MYOM2: variants seen among roughly 807,000 people sequenced by gnomAD.
MYOM2 encodes the protein myomesin-2.
A neutral mutation model predicts 187.6 loss-of-function variants in MYOM2; 254 were observed. The ratio of observed to expected loss-of-function variants is 1.35; its 90% CI spans 1.22 to 1.50. The LOEUF (loss-of-function observed/expected upper bound fraction) is 1.50. Ranked by LOEUF, MYOM2 falls within the 40% of genes most tolerant of loss-of-function variation. MYOM2 has a pLI of 0.00. For synonymous variants in MYOM2, 981 were observed against 753.8 expected (o/e 1.30, Z -4.94); for missense variants, 2,796 against 1,924.0 (o/e 1.45, Z -8.48).
At chr8:2,126,470 TCA>T (rs1201246968) in intron 31 of MYOM2, among the ~76,000 whole-genome samples, 7 of 151,928 alleles carry the variant, frequency 4.6e-5, no homozygotes, top group Non-Finnish European at 8.8e-5. Context: ...CCCTACACAC[TCA>T]CACACTCATA....
rs1797778267 is a variant in MYOM2 at position 2,129,537 on chromosome 8, C to G, written c.3800+305C>G. 3.9e-5 allele frequency among the ~76,000 whole-genome samples: 6 copies of G among 152,158 alleles called. No homozygotes were observed. The South Asian group carries it at 1.2e-3, about 31-fold the overall frequency. The stretch of plus-strand genomic sequence containing the variant: ...ATTTTCTCTGGAAGCGAACAGAGAG[C>G]TGAAGCAGAACTAATAAATAATTTG... On this transcript the variant is annotated intron_variant, in intron 32 of 36. Coordinates refer to ENST00000262113, the MANE Select transcript of MYOM2 (RefSeq NM_003970.4).
intron 31 of MYOM2, among the ~76,000 whole-genome samples, chr8:2,125,342 G>C (rs1413128280): frequency 6.6e-6 from 1 of 152,154 alleles, no homozygotes; most frequent in Non-Finnish European, 1.5e-5. Flanking sequence ...TGATTAAAGA[G>C]ACTGTCTTTC....
At chr8:2,094,823 A>G (rs755520926) in intron 17 of MYOM2, among the ~76,000 whole-genome samples, 17 of 152,198 alleles carry the variant, frequency 1.1e-4, no homozygotes, top group Non-Finnish European at 2.4e-4. Flanking sequence ...GGTGTTTAAC[A>G]GTTTTTATTA....
At chr8:2,131,085 C>T (rs1797848926) in intron 32 of MYOM2, among the ~76,000 whole-genome samples, 1 of 152,298 alleles carries the variant, frequency 6.6e-6, no homozygotes, top group East Asian at 1.9e-4. Context: ...ATGCGCTGTG[C>T]TGGGTCTGGG....
chr8:2,081,473 C>T (rs1819625604), intron 13 of MYOM2, among the ~76,000 whole-genome samples: 1 of 152,234 alleles, frequency 6.6e-6, no homozygotes, highest in Non-Finnish European at 1.5e-5. Context: ...TCTCACTCCT[C>T]ACGAGCAGAC....
chr8:2,045,327 A>C (rs1268887918), intron 1 of MYOM2, among the ~76,000 whole-genome samples, 159 bp downstream of exon 1: 1 of 152,184 alleles, frequency 6.6e-6, no homozygotes, highest in Non-Finnish European at 1.5e-5. Context: ...AAACAGAGCA[A>C]TTAGTTCTGG....
At chr8:2,045,356 G>A (rs1818277990) in intron 1 of MYOM2, among the ~76,000 whole-genome samples, 188 bp downstream of exon 1, 1 of 152,186 alleles carries the variant, frequency 6.6e-6, no homozygotes, top group South Asian at 2.1e-4. Context: ...TTTCTTTGAC[G>A]AGGTTTTATG....
intron 25 of MYOM2, among the ~76,000 whole-genome samples, chr8:2,110,573 C>G (rs1248617137): frequency 6.6e-6 from 1 of 152,108 alleles, no homozygotes; most frequent in Non-Finnish European, 1.5e-5. Context: ...GGGGCTCTCT[C>G]AGAGCCCCCA....
intron 25 of MYOM2, among the ~76,000 whole-genome samples, chr8:2,111,808 G>A (rs1366008695): frequency 6.6e-6 from 1 of 152,170 alleles, no homozygotes; most frequent in African/African-American, 2.4e-5. Context: ...ATTCATTTCT[G>A]TCACTTTCTA....
intron 25 of MYOM2, among the ~76,000 whole-genome samples, chr8:2,113,440 G>C (rs1464486639): frequency 6.6e-6 from 1 of 152,184 alleles, no homozygotes; most frequent in African/African-American, 2.4e-5. Context: ...TGAAGGCCTT[G>C]GGAGGTCTCT....
At position 2,077,086 on chromosome 8, in the gene MYOM2, C is replaced by T. The variant is rs371229042; in HGVS notation, c.1262+804C>T. On this transcript the variant is annotated intron_variant, in intron 11 of 36. Transcript: ENST00000262113. The stretch of plus-strand genomic sequence containing the variant: ...CAGCACTTTGGGAGGCCAACGCGGG[C>T]GGATTACAAGTTCAGGAGATCAAGA... Among the ~76,000 whole-genome samples, 26 of 152,126 alleles carry T rather than the reference C, an allele frequency of 1.7e-4. 1 individual carries two copies. The highest frequency in any genetic ancestry group is 1.1e-3 in the Admixed American group (17 of 15,286).
At chr8:2,096,990 C>T in intron 18 of MYOM2, 1 of 331,934 alleles carries the variant, frequency 3.0e-6, no homozygotes, top group Non-Finnish European at 4.3e-6. Flanking sequence ...CCTTGGCAGC[C>T]ATTGCTCTGT....
At chr8:2,091,651 C>G (rs1322851938) in intron 15 of MYOM2, among the ~76,000 whole-genome samples, 1 of 152,234 alleles carries the variant, frequency 6.6e-6, no homozygotes, top group South Asian at 2.1e-4. Flanking sequence ...CCTCAAGTTT[C>G]TATCTGGCTC....
At chr8:2,071,528 C>G (rs1025604092) in intron 8 of MYOM2, among the ~76,000 whole-genome samples, 4 of 152,114 alleles carry the variant, frequency 2.6e-5, no homozygotes, top group African/African-American at 9.7e-5. Flanking sequence ...AGGAGGCAGC[C>G]GTGGCTTCCA....
At chr8:2,079,920 G>C (rs1185549140) in intron 13 of MYOM2, among the ~76,000 whole-genome samples, 1 of 152,202 alleles carries the variant, frequency 6.6e-6, no homozygotes, top group Non-Finnish European at 1.5e-5. Context: ...CTAAAGCTCA[G>C]ACTTGGTTCC....
At chr8:2,089,799 A>C (rs1402891619) in intron 14 of MYOM2, among the ~76,000 whole-genome samples, 1 of 152,206 alleles carries the variant, frequency 6.6e-6, no homozygotes, top group Non-Finnish European at 1.5e-5. Flanking sequence ...AAACATGATC[A>C]ACTTTGGGTA....
At chr8:2,062,010 A>G (rs1431983177) in intron 6 of MYOM2, among the ~76,000 whole-genome samples, 1 of 152,054 alleles carries the variant, frequency 6.6e-6, no homozygotes, top group Non-Finnish European at 1.5e-5. Flanking sequence ...GTGGTGTGAA[A>G]TAGATGCCAG....
Position 2,100,946 on chromosome 8 carries a change from G to A in MYOM2, c.2511G>A (p.Val837=), listed in dbSNP as rs1796687569. 2.5e-6 allele frequency: 4 copies of A among 1,614,216 alleles called. No homozygotes were observed. Among genetic ancestry groups the A allele is most frequent in the African/African-American group, 1.3e-5 (1 of 75,074 alleles). ...TGGTCATGCTGTGGAAGGCCCCTGT[G>A]TACTCCGGCAGCAGCCCTGTTTCTG... The part of the protein sequence containing the change: ...TSLVMLWKAP[V]YSGSSPVSGY... Residue 837 remains valine, a synonymous_variant, in exon 20 of 37, where the codon GTG becomes GTA. Coordinates refer to ENST00000262113, the MANE Select transcript of MYOM2 (RefSeq NM_003970.4).
chr8:2,068,651 C>T (rs111711754), intron 6 of MYOM2, among the ~76,000 whole-genome samples: 2 of 152,230 alleles, frequency 1.3e-5, no homozygotes, highest in East Asian at 3.8e-4. Flanking sequence ...ACCAGGATCA[C>T]CTGGAGAGTG....
Sources: gnomAD v4.1 joint callset for allele counts (sites outside exome capture counted in the v4.1 genomes callset) on GRCh38, gnomAD v4.1.1 for gene constraint, MANE v1.5 for transcripts, NCBI Gene and HGNC (gene_info 2026-07-23, HGNC 2026-07-21) for gene names.